GNG12: variants seen among roughly 807,000 people sequenced by gnomAD.
The protein encoded by GNG12 is G protein subunit gamma 12, also known as guanine nucleotide-binding protein G(I)/G(S)/G(O) subunit gamma-12.
For missense variants in GNG12, 69 were observed against 83.8 expected (o/e 0.82, Z 0.69); for synonymous variants, 28 against 29.7 (o/e 0.94, Z 0.19).
chr1:67,773,812 G>T (rs1189166196), intron 2 of GNG12, among the ~76,000 whole-genome samples: 1 of 152,184 alleles, frequency 6.6e-6, no homozygotes, highest in Non-Finnish European at 1.5e-5. Flanking sequence ...AAAATGCCAA[G>T]GCTCAGCATC....
At chr1:67,732,119 A>G (rs1646423334) in intron 2 of GNG12, among the ~76,000 whole-genome samples, 1 of 152,244 alleles carries the variant, frequency 6.6e-6, no homozygotes, top group Non-Finnish European at 1.5e-5. Flanking sequence ...TTTAGATTCT[A>G]TGTCTATGCC....
At chr1:67,815,839 GAGT>G (rs969642739) in intron 1 of GNG12, among the ~76,000 whole-genome samples, 1 of 152,082 alleles carries the variant, frequency 6.6e-6, no homozygotes, top group Admixed American at 6.6e-5. Context: ...GCCAAATCCC[GAGT>G]TCTCCTTCTG....
At chr1:67,758,044 T>C in intron 2 of GNG12, among the ~76,000 whole-genome samples, 1 of 152,190 alleles carries the variant, frequency 6.6e-6, no homozygotes, top group African/African-American at 2.4e-5. Context: ...CGGTCTCGGC[T>C]CACTGCAGTG....
chr1:67,759,481 C>T (rs1327794387), intron 2 of GNG12, among the ~76,000 whole-genome samples: 1 of 152,212 alleles, frequency 6.6e-6, no homozygotes, highest in Admixed American at 6.5e-5. Flanking sequence ...CACCCATTCC[C>T]TGTGTGACCT....
intron 1 of GNG12, among the ~76,000 whole-genome samples, chr1:67,794,915 T>TAA (rs1646821724): frequency 1.3e-5 from 2 of 152,208 alleles, no homozygotes; most frequent in Non-Finnish European, 2.9e-5. Context: ...CCATTTTTTC[T>TAA]TTTTTTCTAA....
chr1:67,752,773 A>C (rs1270359049), intron 2 of GNG12, among the ~76,000 whole-genome samples: 2 of 152,186 alleles, frequency 1.3e-5, no homozygotes, highest in African/African-American at 4.8e-5. Flanking sequence ...TATTTTAGCA[A>C]CATTCTCTCT....
intron 2 of GNG12, among the ~76,000 whole-genome samples, chr1:67,715,677 A>G (rs181790768): frequency 2.7e-4 from 41 of 152,238 alleles, no homozygotes; most frequent in African/African-American, 7.7e-4. Flanking sequence ...AGTTGTTCCC[A>G]GGGACTGTAT....
intron 2 of GNG12, among the ~76,000 whole-genome samples, chr1:67,748,982 A>T (rs931966930): frequency 1.1e-5 from 1 of 94,076 alleles, no homozygotes; most frequent in Non-Finnish European, 2.1e-5. Context: ...AACTCTCCTT[A>T]AAAAAAAAAA....
chr1:67,808,691 CTATT>C (rs1165484999), intron 1 of GNG12, among the ~76,000 whole-genome samples: 3 of 152,108 alleles, frequency 2.0e-5, no homozygotes, highest in Non-Finnish European at 4.4e-5. Context: ...AAACACATTA[CTATT>C]TATATTAGCA....
chr1:67,763,661 T>G (rs980186365), intron 2 of GNG12, among the ~76,000 whole-genome samples: 31 of 152,014 alleles, frequency 2.0e-4, no homozygotes, highest in Admixed American at 3.9e-4. Context: ...GCCTCCAGGG[T>G]AGCTGGGACT....
chr1:67,766,248 C>T (rs1646638525), intron 2 of GNG12, among the ~76,000 whole-genome samples: 1 of 152,052 alleles, frequency 6.6e-6, no homozygotes, highest in African/African-American at 2.4e-5. Context: ...TAAAAATGCC[C>T]TTGAGGGCTC....
chr1:67,709,902 TTTTATATAGTTA>T (rs1646273433), intron 2 of GNG12, among the ~76,000 whole-genome samples: 2 of 99,984 alleles, frequency 2.0e-5, no homozygotes, highest in East Asian at 4.8e-4. Flanking sequence ...ATATATATAT[TTTTATATAGTTA>T]TATATATAGT....
At chr1:67,770,611 G>A (rs1646668318) in intron 2 of GNG12, among the ~76,000 whole-genome samples, 1 of 152,156 alleles carries the variant, frequency 6.6e-6, no homozygotes, top group Non-Finnish European at 1.5e-5. Context: ...GCTGAGGGAT[G>A]GCAACAGCAG....
intron 1 of GNG12, among the ~76,000 whole-genome samples, chr1:67,782,612 T>G (rs935001764): frequency 6.6e-6 from 1 of 152,158 alleles, no homozygotes; most frequent in African/African-American, 2.4e-5. Flanking sequence ...CTCAACTAAC[T>G]TGCAGATAAG....
At chr1:67,708,118 A>T (rs990935702) in intron 2 of GNG12, among the ~76,000 whole-genome samples, 14 of 152,370 alleles carry the variant, frequency 9.2e-5, no homozygotes, top group African/African-American at 3.1e-4. Context: ...CTACTTTCAC[A>T]GAAGGTTTGA....
At chr1:67,708,021 A>C (rs1007152990) in intron 2 of GNG12, among the ~76,000 whole-genome samples, 3 of 152,236 alleles carry the variant, frequency 2.0e-5, no homozygotes, top group Non-Finnish European at 4.4e-5. Context: ...CAAATACGCA[A>C]ACACTTGTAG....
intron 2 of GNG12, among the ~76,000 whole-genome samples, chr1:67,716,961 T>C (rs1242806016): frequency 6.6e-6 from 1 of 152,122 alleles, no homozygotes; most frequent in Non-Finnish European, 1.5e-5. Flanking sequence ...TCCTCGGCAA[T>C]AAATCCAGAG....
chr1:67,753,534 C>A (rs1646551291), intron 2 of GNG12, among the ~76,000 whole-genome samples: 1 of 152,208 alleles, frequency 6.6e-6, no homozygotes, highest in South Asian at 2.1e-4. Context: ...CCAGCCAGAA[C>A]TGAAGCGGGG....
chr1:67,750,898 A>T (rs748613848), intron 2 of GNG12, among the ~76,000 whole-genome samples: 1 of 152,234 alleles, frequency 6.6e-6, no homozygotes, highest in Non-Finnish European at 1.5e-5. Flanking sequence ...TCGTATTTTC[A>T]TATTTTATGA....
Sources: gnomAD v4.1 joint callset for allele counts (sites outside exome capture counted in the v4.1 genomes callset) on GRCh38, gnomAD v4.1.1 for gene constraint, MANE v1.5 for transcripts, NCBI Gene and HGNC (gene_info 2026-07-23, HGNC 2026-07-21) for gene names.